PCDHA5: variants seen among roughly 807,000 people sequenced by gnomAD.
PCDHA5 encodes the protein protocadherin alpha 5, also known as protocadherin alpha-5.
In PCDHA5, 43 loss-of-function variants were observed where a neutral mutation model predicts 61.6. That is an observed-to-expected ratio of 0.70 (90% CI 0.55 to 0.90). The LOEUF is 0.90. Among genes scored for constraint, PCDHA5 ranks in the 40% least tolerant of loss-of-function variants. The pLI, the probability that PCDHA5 is intolerant of heterozygous loss-of-function variation, is 0.00. For synonymous variants in PCDHA5, 627 were observed against 543.9 expected, an observed-to-expected ratio of 1.15 and a Z score of -2.13; for missense variants, 1,298 against 1,222.7, an observed-to-expected ratio of 1.06 and a Z score of -0.92.
At chr5:140,995,416 T>G (rs2097682772) in intron 3 of PCDHA5, among the ~76,000 whole-genome samples, 1 of 152,228 alleles carries the variant, frequency 6.6e-6, no homozygotes, top group African/African-American at 2.4e-5. Context: ...TTCATCACAT[T>G]ACTCAGAACA....
chr5:141,002,612 CA>C, intron 3 of PCDHA5, among the ~76,000 whole-genome samples: 1 of 152,178 alleles, frequency 6.6e-6, no homozygotes, highest in Non-Finnish European at 1.5e-5. Flanking sequence ...AAAACAGACA[CA>C]TAACACAGAC....
At chr5:140,872,960 C>T (rs953236645) in intron 1 of PCDHA5, among the ~76,000 whole-genome samples, 10 of 152,142 alleles carry the variant, frequency 6.6e-5, no homozygotes, top group African/African-American at 2.4e-4. Context: ...GTAGTATCAT[C>T]CCATCTGAAG....
intron 3 of PCDHA5, among the ~76,000 whole-genome samples, chr5:141,007,858 G>A (rs376865557): frequency 6.6e-6 from 1 of 152,116 alleles, no homozygotes; most frequent in African/African-American, 2.4e-5. Context: ...GTCCTTAAAG[G>A]TCTTTTCCTT....
intron 3 of PCDHA5, among the ~76,000 whole-genome samples, chr5:140,999,340 C>T (rs903484891): frequency 2.6e-5 from 4 of 152,146 alleles, no homozygotes; most frequent in African/African-American, 4.8e-5. Flanking sequence ...ATTTATAAGC[C>T]TTGTCTCTTT....
In PCDHA5 at chr5:140,823,270, G is replaced by C. The variant is rs1554129230; in HGVS notation, c.1495G>C (p.Gly499Arg). The C allele has an allele frequency of 2.5e-6, 4 of 1,612,658 alleles. No homozygotes were observed. In the East Asian group the frequency reaches 8.9e-5, roughly 36 times the overall value. The change falls in exon 1 of 4, where the codon GGC becomes CGC. Residue 499 changes from glycine to arginine, a missense_variant. Physicochemically the swap from Gly to Arg is moderately radical, Grantham distance 125. Transcript: ENST00000529859. ...VSYSLVERRV[G>R]ERPLSSYVSV... is the part of the protein sequence containing the mutation. ...CTACTCGCTGGTGGAGCGGCGGGTGGGCGAGCGCCCGCTGTCGAGTTACGT... is the reference window on the plus strand; with the variant it reads ...CTACTCGCTGGTGGAGCGGCGGGTGCGCGAGCGCCCGCTGTCGAGTTACGT...
intron 1 of PCDHA5, among the ~76,000 whole-genome samples, chr5:140,923,134 G>A (rs962370475): frequency 3.9e-5 from 6 of 152,106 alleles, no homozygotes; most frequent in African/African-American, 1.2e-4. Flanking sequence ...CACTTTGAAG[G>A]TGGAATATAA....
At chr5:140,856,001 C>T (rs782376274) in intron 1 of PCDHA5, 7 of 1,515,190 alleles carry the variant, frequency 4.6e-6, no homozygotes, top group African/African-American at 1.4e-5. Context: ...ATCGTATGTG[C>T]GTTCTAGACC....
intron 1 of PCDHA5, chr5:140,870,398 C>T: frequency 1.2e-6 from 2 of 1,614,234 alleles, no homozygotes; most frequent in Non-Finnish European, 1.7e-6. Context: ...GGGGGTTCGC[C>T]TTCTCTGTGG....
intron 1 of PCDHA5, chr5:140,870,827 C>T (rs782048793): frequency 8.1e-6 from 13 of 1,613,648 alleles, no homozygotes; most frequent in Non-Finnish European, 9.3e-6. Context: ...GCGGGAGGCG[C>T]AGTTAACAAG....
intron 1 of PCDHA5, chr5:140,841,717 G>A: frequency 6.2e-7 from 1 of 1,613,924 alleles, no homozygotes; most frequent in Non-Finnish European, 8.5e-7. Flanking sequence ...ACCCGCCAGT[G>A]TTCCGGGTAA....
At chr5:140,922,068 A>C (rs1554200634) in intron 1 of PCDHA5, among the ~76,000 whole-genome samples, 1 of 152,196 alleles carries the variant, frequency 6.6e-6, no homozygotes, top group African/African-American at 2.4e-5. Context: ...TAGCAATCCC[A>C]CTAAGCAAAA....
At position 140,850,379 on chromosome 5, in the gene PCDHA5, G is replaced by T. The variant is rs2150481547; in HGVS notation, c.2352+26252G>T. On this transcript the variant is annotated intron_variant, in intron 1 of 3. Coordinates refer to ENST00000529859, the MANE Select transcript of PCDHA5 (RefSeq NM_018908.3). ...TCCCGTTCCGCGTGGGGCTGTACAC[G>T]GGCGAGATCAGCACAACGCGTGCCC... is the stretch of plus-strand genomic sequence containing the variant. 2.0e-5 allele frequency: 32 copies of T among 1,597,786 alleles called. 2 individuals carry two copies. Among genetic ancestry groups the T allele is most frequent in the Admixed American group, 3.4e-5 (2 of 59,250 alleles).
intron 1 of PCDHA5, chr5:140,850,726 C>T (rs781908002): frequency 6.3e-7 from 1 of 1,597,804 alleles, no homozygotes; most frequent in Non-Finnish European, 8.6e-7. Flanking sequence ...TGTTCTAGCG[C>T]GGTGGGGAGT....
intron 1 of PCDHA5, chr5:140,828,866 A>T (rs1769994516): frequency 6.2e-7 from 1 of 1,614,126 alleles, no homozygotes; most frequent in Admixed American, 1.7e-5. Context: ...AGACAACGGA[A>T]CAACAGTTAT....
rs782448071 is a variant in PCDHA5 at position 140,858,265 on chromosome 5, C to T, written c.2352+34138C>T. The T allele has an allele frequency of 4.1e-5, 66 of 1,597,068 alleles. 7 individuals carry two copies. Among genetic ancestry groups the T allele is most frequent in the Non-Finnish European group, 5.4e-5 (63 of 1,166,972 alleles). ...GGCCGGTGAAGCCCACGCTGGTGTG[C>T]TCTAGCGCGGTGGGGAGCTGGTCTT... On this transcript the variant is annotated intron_variant, in intron 1 of 3. Coordinates refer to ENST00000529859, the MANE Select transcript of PCDHA5 (RefSeq NM_018908.3).
intron 1 of PCDHA5, chr5:140,884,167 G>A: frequency 4.3e-6 from 7 of 1,613,412 alleles, no homozygotes; most frequent in Non-Finnish European, 5.1e-6. Context: ...AGATCAGCAC[G>A]ACGCGCCCTC....
chr5:141,006,426 G>A (rs2153987618), intron 3 of PCDHA5, among the ~76,000 whole-genome samples: 1 of 152,170 alleles, frequency 6.6e-6, no homozygotes, highest in Admixed American at 6.5e-5. Context: ...TGTTAGCCAG[G>A]ATGGTCTCAA....
At chr5:140,838,592 G>A (rs2150290515) in intron 1 of PCDHA5, among the ~76,000 whole-genome samples, 4 of 151,904 alleles carry the variant, frequency 2.6e-5, no homozygotes, top group South Asian at 2.1e-4. Flanking sequence ...AACAATAACC[G>A]AATTGTCTAG....
intron 1 of PCDHA5, among the ~76,000 whole-genome samples, chr5:140,898,222 T>G (rs1373386970): frequency 1.3e-5 from 2 of 152,230 alleles, no homozygotes; most frequent in Non-Finnish European, 2.9e-5. Flanking sequence ...TTTTGGCTTT[T>G]GTTGCCATTG....
Sources: allele counts gnomAD v4.1 joint callset (sites outside exome capture counted in the v4.1 genomes callset), GRCh38; gene constraint gnomAD v4.1.1; transcripts MANE v1.5; gene names NCBI Gene and HGNC (gene_info 2026-07-23, HGNC 2026-07-21).